The following CLASRP variants were observed in gnomAD, a reference collection of about 807,000 sequenced individuals.
CLASRP encodes the protein CLK4 associating serine/arginine rich protein.
Under a neutral mutation model 99.9 loss-of-function variants are expected in CLASRP, and 52 were observed. The ratio of observed to expected loss-of-function variants is 0.52; its 90% confidence interval spans 0.42 to 0.66. CLASRP has a LOEUF of 0.66. CLASRP is among the 30% of genes least tolerant of loss of function. The pLI, the probability that CLASRP is intolerant of heterozygous loss-of-function variation, is 0.00. For missense variants in CLASRP, 848 were observed against 999.2 expected (o/e 0.85, Z 2.04); for synonymous variants, 379 against 373.0 (o/e 1.02, Z -0.18).
At chr19:45,041,806 C>T (rs2122522302) in intron 2 of CLASRP, among the ~76,000 whole-genome samples, 1 of 152,362 alleles carries the variant, frequency 6.6e-6, no homozygotes. Context: ...CACCACCCCA[C>T]ACTCTGCCTT....
Position 45,069,088 on chromosome 19 carries a change from A to C in CLASRP, c.1791A>C (p.Ala597=). Residue 597 remains alanine (A), a synonymous_variant, in exon 17 of 21, where the codon GCA becomes GCC. Transcript: ENST00000221455. Reference sequence around the variant, plus strand: ...CAGTCAAGGCGGATAAGAAGGCGGCACAAGAAAAGATGATCCAGCAGGAGC... The same window carrying C: ...CAGTCAAGGCGGATAAGAAGGCGGCCCAAGAAAAGATGATCCAGCAGGAGC... ...NRQFKADKKA[A]QEKMIQQEHE... The C allele has an allele frequency of 6.2e-7, 1 of 1,614,060 alleles. No individual in the cohort carries two copies. Among genetic ancestry groups the C allele is most frequent in the Non-Finnish European group, 8.5e-7 (1 of 1,180,018 alleles).
chr19:45,043,411 CAAAAA>C (rs34898629), intron 2 of CLASRP, among the ~76,000 whole-genome samples: 2 of 81,760 alleles, frequency 2.4e-5, no homozygotes, highest in East Asian at 3.4e-4. Context: ...GACTCCGTCC[CAAAAA>C]AAAAAAAAAA....
Position 45,067,589 on chromosome 19 carries a change from GA to G in CLASRP, c.1667del (p.Lys556ArgfsTer17). 3 of 1,595,420 alleles carry G rather than the reference GA, an allele frequency of 1.9e-6. No individual in the cohort carries two copies. The highest frequency in any genetic ancestry group is 8.5e-7 in the Non-Finnish European group (1 of 1,172,488). On this transcript the variant is annotated frameshift_variant, in exon 14 of 21. Transcript: ENST00000221455. LOFTEE classifies it high-confidence loss of function. The surrounding 1 kb of genome is among the most constrained non-coding windows in gnomAD (Gnocchi z 4.9). ...AASPAVGEKL[K>X]KTEPAAGKET... ...CGTCCCCTGCTGTGGGCGAGAAGCT[GA>G]AAAAGTGAGCGGGGCGGGTCTGGAG...
chr19:45,069,714 C>T, intron 18 of CLASRP: 1 of 457,294 alleles, frequency 2.2e-6, no homozygotes. Context: ...GTTGCCAAGC[C>T]TGGCCACTGT....
intron 5 of CLASRP, among the ~76,000 whole-genome samples, chr19:45,055,252 T>C (rs1972099739): frequency 1.3e-5 from 2 of 152,224 alleles, no homozygotes; most frequent in South Asian, 4.1e-4. Context: ...ACAGAAGTCC[T>C]GGATAGAAGC....
At chr19:45,042,170 C>T (rs1004595362) in intron 2 of CLASRP, among the ~76,000 whole-genome samples, 2 of 152,134 alleles carry the variant, frequency 1.3e-5, no homozygotes, top group East Asian at 1.9e-4. Context: ...GATGAAACCT[C>T]GTCTCTACTA....
intron 2 of CLASRP, among the ~76,000 whole-genome samples, chr19:45,049,804 C>A (rs555860586): frequency 6.6e-6 from 1 of 152,172 alleles, no homozygotes; most frequent in Admixed American, 6.5e-5. Context: ...CAAAACAGAG[C>A]CCTGCCTCCT....
Position 45,060,184 on chromosome 19 carries a change from GTTT to G in CLASRP, c.711-196_711-194del, listed in dbSNP as rs893422493. Among the ~76,000 whole-genome samples the G allele has an allele frequency of 4.8e-5, 7 of 146,774 alleles. No individual in the cohort carries two copies. Among genetic ancestry groups the G allele is most frequent in the African/African-American group, 7.5e-5 (3 of 40,236 alleles). On this transcript the variant is annotated intron_variant, in intron 8 of 20. Transcript: ENST00000221455. The surrounding 1 kb of genome is among the most constrained non-coding windows in gnomAD (Gnocchi z 4.6). Reference sequence around the variant, plus strand: ...TAAGCCCGTGCAGGTGAGGATTTCTGTTTTTTTTTTTCAGTGCTCAGTTCTTGA... The same window carrying G: ...TAAGCCCGTGCAGGTGAGGATTTCTGTTTTTTTTCAGTGCTCAGTTCTTGA...
intron 19 of CLASRP, 26 bp downstream of exon 19, chr19:45,070,130 G>C (rs766680469): frequency 5.8e-6 from 8 of 1,390,928 alleles, no homozygotes; most frequent in Non-Finnish European, 8.2e-6. Context: ...AGGCTGCAGG[G>C]CTCTGGGGCT....
chr19:45,070,343 A>C (rs1967210036), intron 19 of CLASRP, among the ~76,000 whole-genome samples, 194 bp from the exon 20 acceptor site: 1 of 152,136 alleles, frequency 6.6e-6, no homozygotes, highest in African/African-American at 2.4e-5. Context: ...TCACAAGGTG[A>C]TTGCAGCAAT....
intron 11 of CLASRP, 146 bp downstream of exon 11, chr19:45,062,341 T>C: frequency 3.3e-6 from 2 of 606,216 alleles, no homozygotes; most frequent in Non-Finnish European, 5.9e-6. Context: ...GAATCATTTT[T>C]GTGTTTTCCA....
At chr19:45,049,282 G>A (rs940330716) in intron 2 of CLASRP, among the ~76,000 whole-genome samples, 2 of 152,194 alleles carry the variant, frequency 1.3e-5, no homozygotes, top group Non-Finnish European at 2.9e-5. Flanking sequence ...GAGTATGATG[G>A]GATCTTGGCC....
In CLASRP at chr19:45,043,436, T is replaced by G. The variant is rs1358802618; in HGVS notation, c.99+3125T>G. ...CAAAAAAAAAAAAAAAAAAAAAAAT[T>G]TTTTCCATTCATACGTATATGCACA... is the stretch of plus-strand genomic sequence containing the variant. On this transcript the variant is annotated intron_variant, in intron 2 of 20. Coordinates refer to ENST00000221455, the MANE Select transcript of CLASRP (RefSeq NM_007056.3). Among the ~76,000 whole-genome samples the G allele has an allele frequency of 3.4e-5, 5 of 148,348 alleles. No individual in the cohort carries two copies. In the East Asian group the frequency reaches 9.9e-4, roughly 29 times the overall value.
intron 2 of CLASRP, among the ~76,000 whole-genome samples, chr19:45,042,607 G>T (rs994638124): frequency 5.9e-5 from 9 of 151,394 alleles, no homozygotes; most frequent in African/African-American, 9.7e-5. Flanking sequence ...AATCCGAAAT[G>T]CTCCAAAATC....
At position 45,064,487 on chromosome 19, in the gene CLASRP, GTCCCGC is replaced by G. The variant is rs745561616; in HGVS notation, c.1284_1289del (p.Ser429_Arg430del). On this transcript the variant is annotated inframe_deletion, in exon 13 of 21. Coordinates refer to ENST00000221455, the MANE Select transcript of CLASRP (RefSeq NM_007056.3). Reference sequence around the variant, plus strand: ...ACGCCCGCTCCCGGTCCCGCTCCTGGTCCCGCTCCCGCTCCCGCTCCCGGCGCTATT... The same window carrying G: ...ACGCCCGCTCCCGGTCCCGCTCCTGGTCCCGCTCCCGCTCCCGGCGCTATT... 735 of 1,533,786 alleles carry G rather than the reference GTCCCGC, an allele frequency of 4.8e-4. No individual in the cohort carries two copies. The highest frequency in any genetic ancestry group is 6.1e-4 in the South Asian group (51 of 83,832).
chr19:45,051,248 C>T (rs574346661), intron 2 of CLASRP, among the ~76,000 whole-genome samples: 5 of 152,188 alleles, frequency 3.3e-5, no homozygotes, highest in East Asian at 1.9e-4. Context: ...GCGAGGTCTT[C>T]GTACTGGCTA....
chr19:45,040,308 G>A lies in CLASRP; in HGVS notation c.96G>A (p.Lys32=). ...RAERRREYYE[K]IKKDPAQFLQ... ...AGCGGAGACGGGAGTATTATGAAAAGATCGTGAGTAACTGGCCTTTTGTCT... is the reference window on the plus strand; with the variant it reads ...AGCGGAGACGGGAGTATTATGAAAAAATCGTGAGTAACTGGCCTTTTGTCT... Residue 32 remains lysine, a synonymous_variant, in exon 2 of 21, where the codon AAG becomes AAA. Transcript: ENST00000221455. 1 of 1,606,568 alleles carries A rather than the reference G, an allele frequency of 6.2e-7. No homozygotes were observed. Among genetic ancestry groups the A allele is most frequent in the Non-Finnish European group, 8.5e-7 (1 of 1,176,962 alleles).
intron 11 of CLASRP, among the ~76,000 whole-genome samples, chr19:45,063,594 G>A (rs768721042): frequency 6.6e-6 from 1 of 151,468 alleles, no homozygotes; most frequent in Non-Finnish European, 1.5e-5. Context: ...TTACAGGTGC[G>A]CGCCACCATG....
intron 11 of CLASRP, among the ~76,000 whole-genome samples, chr19:45,063,169 GT>G (rs553960474): frequency 2.8e-4 from 42 of 148,442 alleles, no homozygotes; most frequent in African/African-American, 9.9e-4. Context: ...AAACACGTTT[GT>G]TTTTTTTTTC....
Sources: gnomAD v4.1 joint callset for allele counts (sites outside exome capture counted in the v4.1 genomes callset) on GRCh38, gnomAD v4.1.1 for gene constraint, Gnocchi (gnomAD v3.1) non-coding constraint, MANE v1.5 for transcripts, NCBI Gene and HGNC (gene_info 2026-07-23, HGNC 2026-07-21) for gene names.